The following SLC28A1 variants were observed in gnomAD, a reference collection of about 807,000 sequenced individuals.
SLC28A1 encodes the protein solute carrier family 28 member 1.
SLC28A1 carries 64 observed loss-of-function variants against 74.8 expected under a neutral mutation model. That is an observed-to-expected ratio of 0.86 (90% CI 0.70 to 1.05). The LOEUF is 1.05. Among genes scored for constraint, SLC28A1 ranks in the 50% least tolerant of loss-of-function variants. The pLI, the probability that SLC28A1 is intolerant of heterozygous loss-of-function variation, is 0.00. For synonymous variants in SLC28A1, 359 were observed against 335.0 expected, an observed-to-expected ratio of 1.07 and a Z score of -0.78; for missense variants, 828 against 822.8, an observed-to-expected ratio of 1.01 and a Z score of -0.08.
At chr15:84,901,553 T>G (rs1596245690) in intron 6 of SLC28A1, among the ~76,000 whole-genome samples, 1 of 150,774 alleles carries the variant, frequency 6.6e-6, no homozygotes. Context: ...AAAAAAAGGC[T>G]CAAGATATGA....
At position 84,905,525 on chromosome 15, in the gene SLC28A1, G is replaced by T. The variant is rs1354793828; in HGVS notation, c.604-14G>T. The T allele has an allele frequency of 1.3e-6, 2 of 1,573,984 alleles. No homozygotes were observed. The highest frequency in any genetic ancestry group is 2.7e-5 in the African/African-American group (2 of 74,072). ...AAGGAACTGAACTCAGCTTTCTGTTGGGTGGGGTGGTAGGTGTCCTGGAGG... is the reference window on the plus strand; with the variant it reads ...AAGGAACTGAACTCAGCTTTCTGTTTGGTGGGGTGGTAGGTGTCCTGGAGG... On this transcript the variant is annotated splice_polypyrimidine_tract_variant and intron_variant, in intron 7 of 18. Transcript: ENST00000394573.
chr15:84,969,699 T>G, the SLC28A1 span, among the ~76,000 whole-genome samples: 1 of 152,088 alleles, frequency 6.6e-6, no homozygotes, highest in Non-Finnish European at 1.5e-5. Flanking sequence ...TGTAGGCGGG[T>G]GAGACACTGA....
At chr15:84,895,416 A>T in intron 6 of SLC28A1, 1 of 1,613,736 alleles carries the variant, frequency 6.2e-7, no homozygotes, top group Non-Finnish European at 8.5e-7. Context: ...CCGAATCAGT[A>T]CCTCCCTCAG....
the SLC28A1 span, among the ~76,000 whole-genome samples, chr15:84,968,460 A>T: frequency 6.6e-6 from 1 of 152,198 alleles, no homozygotes; most frequent in Non-Finnish European, 1.5e-5. Context: ...CTCTCCTTAG[A>T]GCTGCTTAAG....
downstream of SLC28A1, among the ~76,000 whole-genome samples, chr15:84,946,249 C>G (rs2079227091): frequency 6.7e-6 from 1 of 148,790 alleles, no homozygotes; most frequent in Non-Finnish European, 1.5e-5. Context: ...GTCACTGTAT[C>G]TGGCCCATAA....
rs755361599 is a variant in SLC28A1, at chr15:84,943,508, A to G, written c.1645A>G (p.Ile549Val). The change falls in exon 16 of 19, where the codon ATC (isoleucine) becomes GTC (valine). Residue 549 changes from isoleucine to valine, a missense_variant. Transcript: ENST00000394573. ...ATTTGCCAATTTCAGCTCCATTGGGATCATGCTGGGAGGCTTGAGTGAGTC... is the reference window on the plus strand; with the variant it reads ...ATTTGCCAATTTCAGCTCCATTGGGGTCATGCTGGGAGGCTTGAGTGAGTC... Reference protein sequence around the residue: ...CGFANFSSIGIMLGGLTSMVP... With the variant: ...CGFANFSSIGVMLGGLTSMVP... 6.2e-7 allele frequency: 1 copy of G among 1,613,960 alleles called. No individual in the cohort carries two copies. The highest frequency in any genetic ancestry group is 1.1e-5 in the South Asian group (1 of 91,082).
rs763163087 is a variant in SLC28A1, at chr15:84,904,209, C to G, written c.574C>G (p.Leu192Val). 2.3e-5 allele frequency: 37 copies of G among 1,614,154 alleles called. No homozygotes were observed. The Admixed American group carries it at 4.3e-4, about 19-fold the overall frequency. ...AGGAATCTGCGTGTTCGTCGCTCTC[C>G]TCTTTGCCTGCTCAAAGCATCATTG... The part of the protein sequence containing the change: ...FAGICVFVAL[L>V]FACSKHHCAV... The change falls in exon 7 of 19, where the codon CTC becomes GTC. Residue 192 changes from leucine to valine, a missense_variant. By Grantham distance (32) the Leu-to-Val change is conservative. Around this residue, in one of 3 missense-constraint regions of SLC28A1, gnomAD observed 767 missense variants for 753.5 expected, o/e 1.02. Transcript: ENST00000394573.
At position 84,887,535 on chromosome 15, in the gene SLC28A1, A is replaced by G. The variant is rs1031985605; in HGVS notation, c.-16-210A>G. ...CCAGTCTCTAGAAAAAGGAAGAGGT[A>G]CCTCCTCCATGTGCTGAGAAGTCAA... On this transcript the variant is annotated intron_variant, in intron 2 of 18. Coordinates refer to ENST00000394573, the MANE Select transcript of SLC28A1 (RefSeq NM_004213.5). 6.1e-6 allele frequency: 6 copies of G among 985,100 alleles called. No individual in the cohort carries two copies. The Admixed American group carries it at 3.7e-4, about 61-fold the overall frequency. The allele number at this position is 985,100 out of a possible 1,614,324, so 61.0% of individuals were successfully genotyped here.
chr15:84,888,194 A>AG (rs1378459016), intron 3 of SLC28A1, among the ~76,000 whole-genome samples: 1 of 151,970 alleles, frequency 6.6e-6, no homozygotes, highest in Non-Finnish European at 1.5e-5. Flanking sequence ...ATGATGGGGG[A>AG]GGGGGGTCTC....
At position 84,886,658 on chromosome 15, in the gene SLC28A1, T is replaced by C; in HGVS notation, c.-132-14T>C. 2 of 985,506 alleles carry C rather than the reference T, an allele frequency of 2.0e-6. No homozygotes were observed. The highest frequency in any genetic ancestry group is 2.4e-6 in the Non-Finnish European group (2 of 829,970). 61.0% of individuals were successfully genotyped at this position (985,506 alleles called of 1,614,324 possible). A position where few individuals can be genotyped will look rare whatever the true frequency, so the allele number is the denominator to read the frequency against. On this transcript the variant is annotated splice_polypyrimidine_tract_variant and intron_variant, in intron 1 of 18. Coordinates refer to ENST00000394573, the MANE Select transcript of SLC28A1 (RefSeq NM_004213.5). ...TGGCAGGCCCAACCTACTCCGACCC[T>C]GGACTCTGCCCAGGAATTTCTGCTG...
chr15:84,947,095 A>G (rs923311675), downstream of SLC28A1, among the ~76,000 whole-genome samples: 2 of 152,246 alleles, frequency 1.3e-5, no homozygotes, highest in Non-Finnish European at 2.9e-5. Flanking sequence ...TCCAGTGGGC[A>G]GCAGCCTTGC....
chr15:84,973,100 A>G, the SLC28A1 span, among the ~76,000 whole-genome samples: 8 of 151,636 alleles, frequency 5.3e-5, no homozygotes, highest in Non-Finnish European at 1.2e-4. Context: ...CTTCCACCTC[A>G]TTTTTCCACT....
At chr15:84,946,084 T>TTATATATA (rs1567196223), downstream of SLC28A1, among the ~76,000 whole-genome samples, 431 of 27,524 alleles carry the variant, frequency 0.016, 37 homozygotes, top group East Asian at 0.058. Flanking sequence ...GTGTGTATGT[T>TTATATATA]CATATATATA....
intron 12 of SLC28A1, among the ~76,000 whole-genome samples, chr15:84,930,231 A>G (rs760082854): frequency 1.3e-5 from 2 of 152,234 alleles, no homozygotes; most frequent in Non-Finnish European, 2.9e-5. Flanking sequence ...GTGGAGGGAA[A>G]ATCCCAAGAT....
intron 4 of SLC28A1, among the ~76,000 whole-genome samples, 159 bp from the exon 5 acceptor site, chr15:84,890,284 G>A (rs1335003101): frequency 1.3e-5 from 2 of 152,226 alleles, no homozygotes; most frequent in Non-Finnish European, 2.9e-5. Flanking sequence ...CATTTGCCCT[G>A]GGCTGGGGTT....
At chr15:84,931,416 G>T (rs1367028986) in intron 12 of SLC28A1, among the ~76,000 whole-genome samples, 3 of 151,390 alleles carry the variant, frequency 2.0e-5, no homozygotes, top group African/African-American at 7.3e-5. Flanking sequence ...GGAGGCCAAG[G>T]CAGGCAGATC....
At chr15:84,904,810 T>G (rs3784402) in intron 7 of SLC28A1, among the ~76,000 whole-genome samples, 1 of 20,570 alleles carries the variant, frequency 4.9e-5, no homozygotes, top group Non-Finnish European at 1.2e-4. Context: ...TTCTGATGTG[T>G]ACTAAATTCT....
At chr15:84,922,897 A>G (rs1461574961) in intron 11 of SLC28A1, among the ~76,000 whole-genome samples, 8 of 151,982 alleles carry the variant, frequency 5.3e-5, no homozygotes, top group African/African-American at 1.7e-4. Flanking sequence ...CCCTAACCTA[A>G]TGTCACCTCC....
At chr15:84,936,527 G>T (rs1165981514) in intron 15 of SLC28A1, among the ~76,000 whole-genome samples, 1 of 152,162 alleles carries the variant, frequency 6.6e-6, no homozygotes, top group African/African-American at 2.4e-5. Flanking sequence ...AAAGTGCTGG[G>T]ATTACAGGTG....
Sources: gnomAD v4.1 joint callset for allele counts (sites outside exome capture counted in the v4.1 genomes callset) on GRCh38, gnomAD v4.1.1 for gene constraint, gnomAD v4.1.1 regional missense constraint, MANE v1.5 for transcripts, NCBI Gene and HGNC (gene_info 2026-07-23, HGNC 2026-07-21) for gene names.